LAG3: variants seen among roughly 807,000 people sequenced by gnomAD.
The protein encoded by LAG3 is lymphocyte activating 3.
A neutral mutation model predicts 49.0 loss-of-function variants in LAG3; 29 were observed. The observed-to-expected ratio is 0.59, with a 90% CI of 0.44 to 0.81. The LOEUF (loss-of-function observed/expected upper bound fraction) is 0.81. Among genes scored for constraint, LAG3 ranks in the 30% least tolerant of loss-of-function variants. The pLI is 0.00. For synonymous variants in LAG3, 320 were observed against 297.3 expected (o/e 1.08, Z -0.79); for missense variants, 693 against 695.2 (o/e 1.00, Z 0.04).
chr12:6,776,292 C>T (rs1941907462), intron 5 of LAG3, among the ~76,000 whole-genome samples: 1 of 152,142 alleles, frequency 6.6e-6, no homozygotes. Context: ...CTTTTTCTCC[C>T]ACCAATCCCC....
rs1941932580 is a variant in LAG3, at chr12:6,778,348, G to C, written c.1536G>C (p.Pro512=). 1 of 1,612,792 alleles carries C rather than the reference G, an allele frequency of 6.2e-7. No homozygotes were observed. Among genetic ancestry groups the C allele is most frequent in the Non-Finnish European group, 8.5e-7 (1 of 1,179,708 alleles). ...AAGAACCGGAGCCGGAGCCGGAGCCGGAACCGGAGCCCGAGCCCGAGCCCG... is the reference window on the plus strand; with the variant it reads ...AAGAACCGGAGCCGGAGCCGGAGCCCGAACCGGAGCCCGAGCCCGAGCCCG... ...LEQEPEPEPE[P]EPEPEPEPEP... is the part of the protein sequence containing the mutation. The change falls in exon 8 of 8, where the codon CCG becomes CCC. Residue 512 remains proline, a synonymous_variant. Coordinates refer to ENST00000203629, the MANE Select transcript of LAG3 (RefSeq NM_002286.6).
chr12:6,773,734 C>T lies in LAG3; in HGVS notation c.244C>T (p.Pro82Ser). ...PAAAPGHPLA[P>S]GPHPAAPSSW... is the part of the protein sequence containing the mutation. ...TGCCGCCCCCGGCCATCCCCTGGCC[C>T]CCGGCCCTCACCCGGCGGCGCCCTC... The change falls in exon 3 of 8, where the codon CCC becomes TCC. Residue 82 changes from proline to serine, a missense_variant. By Grantham distance (74) the Pro-to-Ser change is moderately conservative. Transcript: ENST00000203629. This position sits in a 1 kb window ranked among gnomAD's most constrained non-coding sequence, Gnocchi z 5.5. 1 of 1,340,162 alleles carries T rather than the reference C, an allele frequency of 7.5e-7. No individual in the cohort carries two copies. Among genetic ancestry groups the T allele is most frequent in the Non-Finnish European group, 9.5e-7 (1 of 1,052,346 alleles). 83.0% of individuals were successfully genotyped at this position (1,340,162 alleles called of 1,614,324 possible). A position where few individuals can be genotyped will look rare whatever the true frequency, so the allele number is the denominator to read the frequency against.
intron 5 of LAG3, 188 bp downstream of exon 5, chr12:6,775,736 TC>T (rs1173337015): frequency 8.3e-6 from 5 of 603,486 alleles, no homozygotes; most frequent in Non-Finnish European, 1.5e-5. Flanking sequence ...ACTGAAAATC[TC>T]CTCTTGAGTC....
chr12:6,772,789 A>G lies in LAG3; in HGVS notation c.-64A>G, dbSNP rs755101037. On this transcript the variant is annotated 5_prime_UTR_variant, in exon 1 of 8. Transcript: ENST00000203629. ...TCTCCTTTACCCCCCACCCCCCACC[A>G]CTGCCCCCTTTCCTTTTCTGACCTC... 2.5e-5 allele frequency: 10 copies of G among 397,022 alleles called. No homozygotes were observed. The highest frequency in any genetic ancestry group is 1.5e-4 in the South Asian group (5 of 33,130). 24.6% of individuals were successfully genotyped at this position (397,022 alleles called of 1,614,324 possible). A position where few individuals can be genotyped will look rare whatever the true frequency, so the allele number is the denominator to read the frequency against.
chr12:6,778,045 C>T, intron 7 of LAG3, 124 bp downstream of exon 7: 1 of 1,443,460 alleles, frequency 6.9e-7, no homozygotes, highest in Non-Finnish European at 9.6e-7. Flanking sequence ...CTCAGAGCCC[C>T]CCTTCTTCAT....
In LAG3 at chr12:6,773,959, G is replaced by A. The variant is rs1042640836; in HGVS notation, c.469G>A (p.Ala157Thr). 19 of 1,438,282 alleles carry A rather than the reference G, an allele frequency of 1.3e-5. No individual in the cohort carries two copies. The highest frequency in any genetic ancestry group is 1.6e-5 in the Non-Finnish European group (18 of 1,104,680). 89.1% of individuals were successfully genotyped at this position (1,438,282 alleles called of 1,614,324 possible). ...CGCCGCGGTGCACCTCAGGGACCGC[G>A]CCCTCTCCTGCCGCCTCCGTCTGCG... ...YRAAVHLRDR[A>T]LSCRLRLRLG... is the part of the protein sequence containing the mutation. Residue 157 changes from alanine to threonine, a missense_variant, in exon 3 of 8, where the codon GCC becomes ACC. Coordinates refer to ENST00000203629, the MANE Select transcript of LAG3 (RefSeq NM_002286.6). This position sits in a 1 kb window ranked among gnomAD's most constrained non-coding sequence, Gnocchi z 5.5.
rs1565481369 is a variant in LAG3, at chr12:6,773,609, G to C, written c.207-88G>C. 3.8e-6 allele frequency: 5 copies of C among 1,327,042 alleles called. No homozygotes were observed. Among genetic ancestry groups the C allele is most frequent in the Non-Finnish European group, 4.8e-6 (5 of 1,041,298 alleles). 82.2% of individuals were successfully genotyped at this position (1,327,042 alleles called of 1,614,324 possible). A position where few individuals can be genotyped will look rare whatever the true frequency, so the allele number is the denominator to read the frequency against. The stretch of plus-strand genomic sequence containing the variant: ...GTGGTCAAGAGAACTCTTGGGGCGG[G>C]CTTTCTCATCCTCAACGGGTGGCTG... On this transcript the variant is annotated intron_variant, in intron 2 of 7. Coordinates refer to ENST00000203629, the MANE Select transcript of LAG3 (RefSeq NM_002286.6). The surrounding 1 kb of genome is among the most constrained non-coding windows in gnomAD (Gnocchi z 5.5).
At chr12:6,774,571 G>A (rs1171357448) in intron 3 of LAG3, 24 bp from the exon 4 acceptor site, 1 of 1,599,616 alleles carries the variant, frequency 6.3e-7, no homozygotes, top group Non-Finnish European at 8.5e-7. Flanking sequence ...GTGGGCTGAT[G>A]AAGTCTTCTT....
intron 5 of LAG3, among the ~76,000 whole-genome samples, chr12:6,776,654 C>T (rs1941909808): frequency 6.6e-6 from 1 of 152,112 alleles, no homozygotes; most frequent in Admixed American, 6.6e-5. Context: ...TGGGTCAGTT[C>T]CCTGTTCTCT....
Position 6,774,255 on chromosome 12 carries a change from A to AG in LAG3, c.511+259dup, listed in dbSNP as rs547292384. Among the ~76,000 whole-genome samples, 48 of 151,334 alleles carry AG rather than the reference A, an allele frequency of 3.2e-4. 2 individuals are homozygous for AG. The South Asian group carries it at 0.01, about 32-fold the overall frequency. On this transcript the variant is annotated intron_variant, in intron 3 of 7. Coordinates refer to ENST00000203629, the MANE Select transcript of LAG3 (RefSeq NM_002286.6). ...CACCCACGCGGGAGTGCCCAGAGGG[A>AG]GGGGGAGGGGGGGAGAGCATGGGGC...
rs1941931796 is a variant in LAG3 at position 6,778,329 on chromosome 12, C to T, written c.1517C>T (p.Pro506Leu). The T allele has an allele frequency of 6.2e-7, 1 of 1,612,784 alleles. No individual in the cohort carries two copies. Among genetic ancestry groups the T allele is most frequent in the Non-Finnish European group, 8.5e-7 (1 of 1,179,638 alleles). The change falls in exon 8 of 8, where the codon CCG (proline) becomes CTG (leucine). Residue 506 changes from proline (P) to leucine (L), a missense_variant. By Grantham distance (98) the Pro-to-Leu change is moderately conservative. Transcript: ENST00000203629. ...AAGATAGAGGAGCTGGAGCAAGAAC[C>T]GGAGCCGGAGCCGGAGCCGGAACCG... ...QSKIEELEQE[P>L]EPEPEPEPEP...
At chr12:6,774,568 G>A (rs199533409) in intron 3 of LAG3, 27 bp from the exon 4 acceptor site, 1 of 1,598,230 alleles carries the variant, frequency 6.3e-7, no homozygotes, top group African/African-American at 1.3e-5. Flanking sequence ...CCAGTGGGCT[G>A]ATGAAGTCTT....
chr12:6,775,509 C>T lies in LAG3; in HGVS notation c.1018C>T (p.Gln340Ter). The T allele has an allele frequency of 6.2e-7, 1 of 1,614,260 alleles. No homozygotes were observed. Among genetic ancestry groups the T allele is most frequent in the Non-Finnish European group, 8.5e-7 (1 of 1,180,040 alleles). ...TYTCHIHLQE[Q>*]QLNATVTLAI... is the part of the protein sequence containing the mutation. ...CACCTGCCATATCCATCTGCAGGAA[C>T]AGCAGCTCAATGCCACTGTCACATT... is the stretch of plus-strand genomic sequence containing the variant. The change falls in exon 5 of 8, where the codon CAG (glutamine) becomes TAG (stop). Residue 340 changes from glutamine to a stop codon, truncating the protein, a stop_gained. Transcript: ENST00000203629. LOFTEE classifies it high-confidence loss of function.
chr12:6,774,557 T>C lies in LAG3; in HGVS notation c.512-38T>C, dbSNP rs200850913. The stretch of plus-strand genomic sequence containing the variant: ...AGCCCTGCTGTGTTGGGAAATTGTT[T>C]CCAGTGGGCTGATGAAGTCTTCTTT... On this transcript the variant is annotated intron_variant, in intron 3 of 7. Transcript: ENST00000203629. 39 of 1,582,386 alleles carry C rather than the reference T, an allele frequency of 2.5e-5. No homozygotes were observed. In the East Asian group the frequency reaches 8.5e-4, roughly 35 times the overall value.
Position 6,777,855 on chromosome 12 carries a change from C to A in LAG3, c.1365C>A (p.Ile455=), listed in dbSNP as rs1292238611. The A allele has an allele frequency of 6.2e-7, 1 of 1,613,794 alleles. No homozygotes were observed. Among genetic ancestry groups the A allele is most frequent in the Non-Finnish European group, 8.5e-7 (1 of 1,179,934 alleles). The change falls in exon 7 of 8, where the codon ATC becomes ATA. Residue 455 remains isoleucine (I), a synonymous_variant. Transcript: ENST00000203629. ...CAGGCCACCTCCTGCTGTTTCTCATCCTTGGTGTCCTTTCTCTGCTCCTTT... is the reference window on the plus strand; with the variant it reads ...CAGGCCACCTCCTGCTGTTTCTCATACTTGGTGTCCTTTCTCTGCTCCTTT... ...LPAGHLLLFL[I]LGVLSLLLLV... is the part of the protein sequence containing the mutation.
intron 5 of LAG3, 146 bp downstream of exon 5, chr12:6,775,694 C>A: frequency 1.4e-6 from 1 of 694,946 alleles, no homozygotes; most frequent in Non-Finnish European, 2.4e-6. Context: ...TCTCGGCCCC[C>A]ACTTTTCTCA....
chr12:6,778,312 G>T lies in LAG3; in HGVS notation c.1500G>T (p.Glu500Asp). 1 of 1,613,732 alleles carries T rather than the reference G, an allele frequency of 6.2e-7. No homozygotes were observed. The change falls in exon 8 of 8, where the codon GAG (glutamate) becomes GAT (aspartate). Residue 500 changes from glutamate (E) to aspartate (D), a missense_variant. Transcript: ENST00000203629. Reference protein sequence around the residue: ...IHPPQAQSKIEELEQEPEPEP... With the variant: ...IHPPQAQSKIDELEQEPEPEP... ...CTCCGCAGGCTCAGAGCAAGATAGA[G>T]GAGCTGGAGCAAGAACCGGAGCCGG... is the stretch of plus-strand genomic sequence containing the variant.
At position 6,772,568 on chromosome 12, in the gene LAG3, C is replaced by T. The variant is rs1300072163; in HGVS notation, c.-285C>T. ...AGCCACGACGGCCACTTTGCTCTGT[C>T]TGCTCTCCGCCACGGCCCTGCTCTG... On this transcript the variant is annotated 5_prime_UTR_variant, in exon 1 of 8. Transcript: ENST00000203629. The T allele has an allele frequency of 7.7e-6, 3 of 389,254 alleles. No individual in the cohort carries two copies. The highest frequency in any genetic ancestry group is 1.4e-5 in the Non-Finnish European group (3 of 215,864). The allele number at this position is 389,254 out of a possible 1,614,324, so 24.1% of individuals were successfully genotyped here. A position where few individuals can be genotyped will look rare whatever the true frequency, so the allele number is the denominator to read the frequency against.
At chr12:6,778,135 G>C in intron 7 of LAG3, 109 bp from the exon 8 acceptor site, 1 of 1,319,254 alleles carries the variant, frequency 7.6e-7, no homozygotes, top group African/African-American at 1.5e-5. Context: ...AGATGGGGAG[G>C]GCAGGGGCGC....
Sources: allele counts gnomAD v4.1 joint callset (sites outside exome capture counted in the v4.1 genomes callset), GRCh38; gene constraint gnomAD v4.1.1; non-coding constraint Gnocchi (gnomAD v3.1); transcripts MANE v1.5; gene names NCBI Gene and HGNC (gene_info 2026-07-23, HGNC 2026-07-21).